The following KCNIP4 variants were observed in gnomAD, a reference collection of about 807,000 sequenced individuals.
KCNIP4 encodes the protein Kv channel-interacting protein 4.
Under a neutral mutation model 34.0 loss-of-function variants are expected in KCNIP4, and 12 were observed. The observed-to-expected ratio is 0.35, with a 90% confidence interval of 0.23 to 0.57. The LOEUF is 0.57. Among genes scored for constraint, KCNIP4 ranks in the 20% least tolerant of loss-of-function variants. KCNIP4 has a pLI of 0.83. For synonymous variants in KCNIP4, 124 were observed against 102.2 expected, an observed-to-expected ratio of 1.21 and a Z score of -1.29; for missense variants, 238 against 311.7, an observed-to-expected ratio of 0.76 and a Z score of 1.78.
intron 1 of KCNIP4, among the ~76,000 whole-genome samples, chr4:21,934,902 C>A (rs895911332): frequency 2.0e-5 from 3 of 152,062 alleles, no homozygotes. Context: ...TCCCTCTTAC[C>A]AGGGTATTCC....
chr4:21,291,351 T>C (rs55719309), intron 1 of KCNIP4, among the ~76,000 whole-genome samples: 1 of 129,930 alleles, frequency 7.7e-6, no homozygotes, highest in African/African-American at 2.6e-5. Context: ...CATATGTTTA[T>C]ACAAACATTT....
chr4:20,848,732 A>T (rs1254105626), intron 3 of KCNIP4, among the ~76,000 whole-genome samples: 1 of 152,140 alleles, frequency 6.6e-6, no homozygotes, highest in South Asian at 2.1e-4. Context: ...GAATACAGGG[A>T]TGCTGAGAGA....
intron 1 of KCNIP4, among the ~76,000 whole-genome samples, chr4:21,044,882 C>G (rs1742302470): frequency 6.6e-6 from 1 of 152,200 alleles, no homozygotes; most frequent in Admixed American, 6.5e-5. Context: ...GGTTGGGGGC[C>G]ACCTGCTCCT....
chr4:21,005,392 T>C (rs1560638720), intron 1 of KCNIP4, among the ~76,000 whole-genome samples: 1 of 152,198 alleles, frequency 6.6e-6, no homozygotes, highest in Admixed American at 6.5e-5. Flanking sequence ...AACTAACAAG[T>C]AATCATTGGG....
chr4:20,749,684 T>TCAA lies in KCNIP4; in HGVS notation c.406_407insTTG (p.His136delinsLeuAsp). The stretch of plus-strand genomic sequence containing the variant: ...TACCTCGAAACTCACAGCTCCATTG[T>TCAA]GGTCTGTATCAAATGCATTGAACAG... On this transcript the variant is annotated protein_altering_variant, in exon 5 of 9. Coordinates refer to ENST00000382152, the MANE Select transcript of KCNIP4 (RefSeq NM_025221.6). 1 of 1,608,956 alleles carries TCAA rather than the reference T, an allele frequency of 6.2e-7. No homozygotes were observed. Among genetic ancestry groups the TCAA allele is most frequent in the Non-Finnish European group, 8.5e-7 (1 of 1,176,206 alleles).
chr4:21,324,000 T>C (rs1338946916), intron 1 of KCNIP4, among the ~76,000 whole-genome samples: 1 of 152,106 alleles, frequency 6.6e-6, no homozygotes, highest in African/African-American at 2.4e-5. Flanking sequence ...TAATGACCAG[T>C]GATGTTGAGC....
Position 21,566,349 on chromosome 4 carries a change from T to G in KCNIP4, c.61+382222A>C, listed in dbSNP as rs562381156. Among the ~76,000 whole-genome samples, 5 of 152,222 alleles carry G rather than the reference T, an allele frequency of 3.3e-5. 1 individual carries two copies. In the South Asian group the frequency reaches 1.0e-3, roughly 32 times the overall value. On this transcript the variant is annotated intron_variant, in intron 1 of 8. Coordinates refer to ENST00000382152, the MANE Select transcript of KCNIP4 (RefSeq NM_025221.6). ...TCTCATGTCAAATTGTAATTCCCAG[T>G]GTTGGAAGAGGGGCCTATTGGGAAG... is the stretch of plus-strand genomic sequence containing the variant.
At chr4:21,727,419 G>T (rs1294858904) in intron 1 of KCNIP4, among the ~76,000 whole-genome samples, 1 of 152,084 alleles carries the variant, frequency 6.6e-6, no homozygotes, top group Non-Finnish European at 1.5e-5. Flanking sequence ...CTGGTGCCTT[G>T]GTCTTGGACT....
chr4:21,203,567 T>G (rs1339598371), intron 1 of KCNIP4, among the ~76,000 whole-genome samples: 3 of 152,216 alleles, frequency 2.0e-5, no homozygotes, highest in Non-Finnish European at 4.4e-5. Context: ...TCTAGCTTGC[T>G]GAACCTGCAT....
intron 1 of KCNIP4, among the ~76,000 whole-genome samples, chr4:21,528,688 AAAG>A (rs1560488979): frequency 0.066 from 137 of 2,080 alleles, 4 homozygotes; most frequent in African/African-American, 0.17. Context: ...AGAAAGAAAG[AAAG>A]AAAGAAAGAA....
At chr4:21,634,609 C>T (rs1242091379) in intron 1 of KCNIP4, among the ~76,000 whole-genome samples, 3 of 152,082 alleles carry the variant, frequency 2.0e-5, no homozygotes, top group Admixed American at 6.6e-5. Context: ...TGACACATCA[C>T]TCATTCATAT....
At chr4:21,582,268 T>A (rs1280806584) in intron 1 of KCNIP4, 1 of 151,994 alleles carries the variant, frequency 6.6e-6, no homozygotes, top group Admixed American at 6.6e-5. Context: ...TGTCCAACAT[T>A]AATGCTCTGC....
chr4:21,677,897 G>A (rs1750032090), intron 1 of KCNIP4, among the ~76,000 whole-genome samples: 1 of 152,118 alleles, frequency 6.6e-6, no homozygotes, highest in African/African-American at 2.4e-5. Flanking sequence ...CTACAGCCAT[G>A]AGTCACCACA....
chr4:20,884,568 G>A (rs149358892), intron 1 of KCNIP4, among the ~76,000 whole-genome samples: 1 of 152,082 alleles, frequency 6.6e-6, no homozygotes, highest in Non-Finnish European at 1.5e-5. Context: ...CAGGACATGA[G>A]GGTCTTACTT....
intron 1 of KCNIP4, among the ~76,000 whole-genome samples, chr4:21,247,735 G>GAGATATATATATATATATAT (rs796243156): frequency 1.6e-5 from 1 of 61,370 alleles, no homozygotes; most frequent in Non-Finnish European, 2.8e-5. Context: ...TCCACAGGTG[G>GAGATATATATATATATATAT]ATATATATAT....
At chr4:21,923,985 G>A (rs896171730) in intron 1 of KCNIP4, among the ~76,000 whole-genome samples, 3 of 152,184 alleles carry the variant, frequency 2.0e-5, no homozygotes, top group African/African-American at 7.2e-5. Context: ...ACAGAAGAGA[G>A]TCAGGTATAG....
intron 1 of KCNIP4, among the ~76,000 whole-genome samples, chr4:21,714,640 A>C (rs980730991): frequency 6.6e-6 from 1 of 151,854 alleles, no homozygotes; most frequent in Non-Finnish European, 1.5e-5. Context: ...TATAAGAAAC[A>C]CCTCTTTCAA....
chr4:21,855,760 C>T (rs1175229946), intron 1 of KCNIP4: 1 of 152,162 alleles, frequency 6.6e-6, no homozygotes, highest in Non-Finnish European at 1.5e-5. Flanking sequence ...TACTCGCCAC[C>T]ATTATAATCC....
chr4:21,414,036 C>T (rs531471784), intron 1 of KCNIP4, among the ~76,000 whole-genome samples: 5 of 152,094 alleles, frequency 3.3e-5, no homozygotes, highest in Non-Finnish European at 7.4e-5. Context: ...AGTGTAAACA[C>T]ACAACATTAA....
Sources: gnomAD v4.1 joint callset for allele counts (sites outside exome capture counted in the v4.1 genomes callset) on GRCh38, gnomAD v4.1.1 for gene constraint, MANE v1.5 for transcripts, NCBI Gene and HGNC (gene_info 2026-07-23, HGNC 2026-07-21) for gene names.